The following SMARCC1 variants were observed in gnomAD, a reference collection of about 807,000 sequenced individuals.
SMARCC1 encodes SWI/SNF related BAF chromatin remodeling complex subunit C1.
A neutral mutation model predicts 147.4 loss-of-function variants in SMARCC1; 43 were observed. The observed-to-expected ratio is 0.29, with a 90% CI of 0.23 to 0.38. SMARCC1 has a LOEUF of 0.38. Ranked by LOEUF, SMARCC1 falls within the 10% of genes least tolerant of loss-of-function variation. The pLI is 1.00. For missense variants in SMARCC1, 1,119 were observed against 1,381.1 expected, an observed-to-expected ratio of 0.81 and a Z score of 3.01; for synonymous variants, 495 against 484.4, an observed-to-expected ratio of 1.02 and a Z score of -0.29.
chr3:47,708,097 T>TC (rs1239784140), intron 9 of SMARCC1, among the ~76,000 whole-genome samples: 4 of 113,494 alleles, frequency 3.5e-5, no homozygotes, highest in South Asian at 3.2e-4. Context: ...TTTTTTTTTT[T>TC]TTTTTTTTTT....
At chr3:47,612,516 G>A (rs936177707) in intron 25 of SMARCC1, among the ~76,000 whole-genome samples, 2 of 152,132 alleles carry the variant, frequency 1.3e-5, no homozygotes, top group African/African-American at 4.8e-5. Flanking sequence ...TGAATTTTGG[G>A]TTCTGCTTTT....
chr3:47,648,128 G>A (rs2033141811), intron 21 of SMARCC1, among the ~76,000 whole-genome samples: 1 of 152,042 alleles, frequency 6.6e-6, no homozygotes, highest in African/African-American at 2.4e-5. Flanking sequence ...CCAAACAGCT[G>A]AGATTACAGG....
Position 47,738,538 on chromosome 3 carries a change from A to G in SMARCC1, c.402-428T>C, listed in dbSNP as rs1576427092. On this transcript the variant is annotated intron_variant, in intron 3 of 27. Transcript: ENST00000254480. ...ATCTCTACTAAAAATACAAAAATCA[A>G]CTGGGCATGGTGGTGCACACCTGTA... is the stretch of plus-strand genomic sequence containing the variant. Among the ~76,000 whole-genome samples the G allele has an allele frequency of 1.3e-5, 2 of 151,840 alleles. 1 individual carries two copies. Among genetic ancestry groups the G allele is most frequent in the Admixed American group, 1.3e-4 (2 of 15,214 alleles).
At chr3:47,608,793 G>C (rs902058658) in intron 26 of SMARCC1, among the ~76,000 whole-genome samples, 1 of 146,538 alleles carries the variant, frequency 6.8e-6, no homozygotes, top group African/African-American at 2.5e-5. Context: ...AGGCTGCAGT[G>C]AGCCATGATC....
chr3:47,631,032 T>C (rs970042850), intron 24 of SMARCC1, among the ~76,000 whole-genome samples: 8 of 151,892 alleles, frequency 5.3e-5, no homozygotes, highest in African/African-American at 1.7e-4. Flanking sequence ...ATCACTGCAT[T>C]CTAGCCTGGG....
chr3:47,589,114 C>A (rs1406123292), intron 27 of SMARCC1, among the ~76,000 whole-genome samples: 1 of 152,208 alleles, frequency 6.6e-6, no homozygotes, highest in Non-Finnish European at 1.5e-5. Flanking sequence ...ACCCTTAAGA[C>A]TCTTGAAAGC....
intron 6 of SMARCC1, among the ~76,000 whole-genome samples, chr3:47,728,149 A>C (rs2034323084): frequency 8.5e-6 from 1 of 117,150 alleles, no homozygotes. Context: ...TGCAGTGGCA[A>C]GATCTTGACT....
chr3:47,749,670 A>AACAC (rs1328820771), intron 2 of SMARCC1, among the ~76,000 whole-genome samples: 118 of 92,410 alleles, frequency 1.3e-3, no homozygotes, highest in East Asian at 3.1e-3. Flanking sequence ...CTCTAAATTA[A>AACAC]ACACACACAC....
intron 3 of SMARCC1, among the ~76,000 whole-genome samples, chr3:47,741,780 C>T (rs1351664625): frequency 3.3e-5 from 5 of 151,840 alleles, no homozygotes; most frequent in African/African-American, 1.2e-4. Context: ...TGGGGTCTTG[C>T]TATGTTGCCC....
chr3:47,728,764 A>G (rs959403231), intron 6 of SMARCC1, among the ~76,000 whole-genome samples: 2 of 152,270 alleles, frequency 1.3e-5, no homozygotes, highest in Middle Eastern at 6.8e-3. Context: ...CAAATATTAC[A>G]GCTGGGCATG....
intron 2 of SMARCC1, among the ~76,000 whole-genome samples, chr3:47,754,664 G>A (rs765487156): frequency 6.6e-6 from 1 of 152,054 alleles, no homozygotes; most frequent in Non-Finnish European, 1.5e-5. Flanking sequence ...TTCCTAGAAA[G>A]AAAGCAAATC....
chr3:47,708,558 GA>G (rs1167578677), intron 9 of SMARCC1, among the ~76,000 whole-genome samples: 5 of 151,976 alleles, frequency 3.3e-5, no homozygotes, highest in African/African-American at 1.2e-4. Flanking sequence ...ATGTAATATA[GA>G]AATTGGAATA....
At chr3:47,675,447 G>T in intron 18 of SMARCC1, 28 bp downstream of exon 18, 1 of 1,070,148 alleles carries the variant, frequency 9.3e-7, no homozygotes, top group Non-Finnish European at 1.5e-6. Flanking sequence ...GTGCTGGATT[G>T]CAGCCCATGT....
intron 26 of SMARCC1, among the ~76,000 whole-genome samples, chr3:47,598,267 A>C (rs1290446087): frequency 6.6e-6 from 1 of 152,158 alleles, no homozygotes; most frequent in Non-Finnish European, 1.5e-5. Flanking sequence ...TGGAAACAGG[A>C]GGCCTACTTT....
intron 26 of SMARCC1, among the ~76,000 whole-genome samples, chr3:47,592,060 A>G (rs962418852): frequency 1.3e-5 from 2 of 152,040 alleles, no homozygotes; most frequent in African/African-American, 4.8e-5. Flanking sequence ...AGAAATAAGA[A>G]AGCTTGATCT....
At chr3:47,616,723 G>C (rs1274421131) in intron 25 of SMARCC1, among the ~76,000 whole-genome samples, 1 of 152,046 alleles carries the variant, frequency 6.6e-6, no homozygotes, top group Non-Finnish European at 1.5e-5. Context: ...TGGGATTACA[G>C]GTATGAGCCA....
intron 2 of SMARCC1, among the ~76,000 whole-genome samples, chr3:47,763,478 A>C (rs2034799468): frequency 6.6e-6 from 1 of 151,926 alleles, no homozygotes; most frequent in South Asian, 2.1e-4. Context: ...AAAATACGTC[A>C]GTATTACACT....
intron 21 of SMARCC1, among the ~76,000 whole-genome samples, chr3:47,659,044 G>A (rs1239589023): frequency 4.6e-5 from 7 of 151,088 alleles, no homozygotes; most frequent in African/African-American, 1.7e-4. Context: ...CTTGAACCCA[G>A]GAGGCGGAGG....
In SMARCC1 at chr3:47,610,330, G is replaced by A. The variant is rs1354763190; in HGVS notation, c.2782-3C>T. 3 of 1,614,100 alleles carry A rather than the reference G, an allele frequency of 1.9e-6. No homozygotes were observed. The highest frequency in any genetic ancestry group is 1.7e-6 in the Non-Finnish European group (2 of 1,179,958). ...AACTGCTGCCTCTGTTGTTCTAGCT[G>A]TAAGCAAAGGAAGTGGAAGAGAAAT... On this transcript the variant is annotated splice_region_variant and splice_polypyrimidine_tract_variant and intron_variant, in intron 25 of 27. Coordinates refer to ENST00000254480, the MANE Select transcript of SMARCC1 (RefSeq NM_003074.4).
Sources: gnomAD v4.1 joint callset for allele counts (sites outside exome capture counted in the v4.1 genomes callset) on GRCh38, gnomAD v4.1.1 for gene constraint, MANE v1.5 for transcripts, NCBI Gene and HGNC (gene_info 2026-07-23, HGNC 2026-07-21) for gene names.